Variants in VWCE observed in about 807,000 individuals in gnomAD.
VWCE encodes the protein von Willebrand factor C and EGF domain-containing protein.
A neutral mutation model predicts 102.9 loss-of-function variants in VWCE; 68 were observed. The ratio of observed to expected loss-of-function variants is 0.66; its 90% CI spans 0.54 to 0.81. The LOEUF (loss-of-function observed/expected upper bound fraction) is 0.81, where lower values mean the gene tolerates loss of function less well. Ranked by LOEUF, VWCE falls within the 30% of genes least tolerant of loss-of-function variation. The probability of loss-of-function intolerance (pLI) is 0.00; values close to 1 mark genes in which losing one functional copy is unlikely to be tolerated. For missense variants in VWCE, 1,137 were observed against 1,263.6 expected (o/e 0.90, Z 1.52); for synonymous variants, 497 against 515.4 (o/e 0.96, Z 0.48).
At chr11:61,267,634 G>T in intron 15 of VWCE, 90 bp from the exon 16 acceptor site, 1 of 1,283,428 alleles carries the variant, frequency 7.8e-7, no homozygotes, top group Non-Finnish European at 1.1e-6. Context: ...TTATCTGGAT[G>T]GCAAAGGGGA....
intron 16 of VWCE, 24 bp from the exon 17 acceptor site, chr11:61,265,236 A>G: frequency 1.4e-6 from 2 of 1,462,606 alleles, no homozygotes; most frequent in Non-Finnish European, 9.1e-7. Flanking sequence ...AAAACACACA[A>G]GGCCCTCGGT....
chr11:61,258,716 G>A lies in VWCE; in HGVS notation c.2827C>T (p.Pro943Ser). ...TCCCCCCGAGAAGCCCCCACTGGGG[G>A]CTGCTGGGGGCCAGGGTGGGTGGTG... ...AATTHPGPQQ[P>S]PVGASRGEES... Residue 943 changes from proline (P) to serine (S), a missense_variant, in exon 20 of 20, where the codon CCC (proline) becomes TCC (serine). Physicochemically the swap from Pro to Ser is moderately conservative, Grantham distance 74 (BLOSUM62 -1). Transcript: ENST00000335613. The A allele has an allele frequency of 1.4e-6, 2 of 1,395,334 alleles. No homozygotes were observed. The highest frequency in any genetic ancestry group is 9.3e-7 in the Non-Finnish European group (1 of 1,071,338). The allele number at this position is 1,395,334 out of a possible 1,614,324, so 86.4% of individuals were successfully genotyped here.
At position 61,281,231 on chromosome 11, in the gene VWCE, G is replaced by A. The variant is rs1300626614; in HGVS notation, c.792C>T (p.Phe264=). ...LRADRVSCEA[F]PKAVLAPSAI... ...CAGATGGGGCCAGCACGGCTTTCGG[G>A]AAAGCTGAAACAGAAGCACGGAGGT... The change falls in exon 8 of 20, where the codon TTC becomes TTT. Residue 264 remains phenylalanine, a synonymous_variant. Transcript: ENST00000335613. The A allele has an allele frequency of 6.2e-7, 1 of 1,612,386 alleles. No individual in the cohort carries two copies. Among genetic ancestry groups the A allele is most frequent in the Non-Finnish European group, 8.5e-7 (1 of 1,179,964 alleles).
chr11:61,276,571 A>G, intron 11 of VWCE, 22 bp downstream of exon 11: 2 of 1,500,090 alleles, frequency 1.3e-6, no homozygotes, highest in Non-Finnish European at 1.8e-6. Context: ...AAAAAGCAAA[A>G]TGCTCCAAGA....
At position 61,295,286 on chromosome 11, in the gene VWCE, G is replaced by A. The variant is rs974950315; in HGVS notation, c.-249C>T. 2.9e-6 allele frequency: 1 copy of A among 343,202 alleles called. No individual in the cohort carries two copies. The highest frequency in any genetic ancestry group is 4.3e-5 in the East Asian group (1 of 23,154). The allele number at this position is 343,202 out of a possible 1,614,324, so 21.3% of individuals were successfully genotyped here. On this transcript the variant is annotated 5_prime_UTR_variant, in exon 1 of 20. Coordinates refer to ENST00000335613, the MANE Select transcript of VWCE (RefSeq NM_152718.2). The surrounding 1 kb of genome is among the most constrained non-coding windows in gnomAD (Gnocchi z 4.6). ...AAGCGAAACACACAAAGGCAACGCC[G>A]CCCGCCTGCTGATGCCTCTCCGAGA...
chr11:61,258,756 GGA>G lies in VWCE; in HGVS notation c.2785_2786del (p.Ser929HisfsTer91). 1 of 1,436,470 alleles carries G rather than the reference GGA, an allele frequency of 7.0e-7. No individual in the cohort carries two copies. Among genetic ancestry groups the G allele is most frequent in the Non-Finnish European group, 9.1e-7 (1 of 1,093,664 alleles). The allele number at this position is 1,436,470 out of a possible 1,614,324, so 89.0% of individuals were successfully genotyped here. A position where few individuals can be genotyped will look rare whatever the true frequency, so the allele number is the denominator to read the frequency against. On this transcript the variant is annotated frameshift_variant, in exon 20 of 20. Transcript: ENST00000335613. LOFTEE classifies it low-confidence loss of function (END_TRUNC). Reference protein sequence around the residue: ...RVLSPTTSRLSTALAATTHPG... With the variant: ...RVLSPTTSRLXTALAATTHPG... ...GGTGGGTGGTGGCTGCAAGGGCTGT[GGA>G]GAGTCTAGAGGTGGTGGGAGAAAGC... is the stretch of plus-strand genomic sequence containing the variant.
intron 13 of VWCE, among the ~76,000 whole-genome samples, chr11:61,272,768 C>T (rs1854761331): frequency 6.6e-6 from 1 of 151,878 alleles, no homozygotes; most frequent in African/African-American, 2.4e-5. Context: ...CACGCAGACA[C>T]ACTCATACAA....
chr11:61,280,432 C>T (rs774137667), intron 9 of VWCE, among the ~76,000 whole-genome samples, 192 bp downstream of exon 9: 38 of 152,166 alleles, frequency 2.5e-4, no homozygotes, highest in East Asian at 7.7e-4. Context: ...CTGTTCAAAA[C>T]GCACATGTTC....
chr11:61,266,656 GA>G (rs1854521869), intron 16 of VWCE, among the ~76,000 whole-genome samples: 1 of 152,092 alleles, frequency 6.6e-6, no homozygotes, highest in African/African-American at 2.4e-5. Context: ...ATGCATCTCA[GA>G]ATCACAATAC....
chr11:61,291,497 C>T lies in VWCE; in HGVS notation c.190G>A (p.Gly64Arg). ...AAGCACTTACGCAGGGTGCAGTGCC[C>T]ACCACCCATAGAGGGCGCCCAGCCA... ...CPGWAPSMGG[G>R]HCTLPLCSFG... Residue 64 changes from glycine to arginine, a missense_variant, in exon 2 of 20, where the codon GGG (glycine) becomes AGG (arginine). Transcript: ENST00000335613. The T allele has an allele frequency of 6.5e-7, 1 of 1,549,430 alleles. No homozygotes were observed. Among genetic ancestry groups the T allele is most frequent in the Non-Finnish European group, 8.7e-7 (1 of 1,145,414 alleles).
At chr11:61,286,616 A>C (rs1239460317) in intron 4 of VWCE, among the ~76,000 whole-genome samples, 186 bp from the exon 5 acceptor site, 2 of 151,754 alleles carry the variant, frequency 1.3e-5, no homozygotes, top group East Asian at 3.9e-4. Flanking sequence ...AGCCTGACCA[A>C]CATGGAGAAA....
At chr11:61,279,592 A>C (rs988358332) in intron 9 of VWCE, among the ~76,000 whole-genome samples, 1 of 152,102 alleles carries the variant, frequency 6.6e-6, no homozygotes, top group Admixed American at 6.6e-5. Context: ...AAACAAAAAA[A>C]AACCAGTGCA....
At chr11:61,289,726 A>G (rs147307720) in intron 4 of VWCE, among the ~76,000 whole-genome samples, 1 of 152,282 alleles carries the variant, frequency 6.6e-6, no homozygotes, top group East Asian at 1.9e-4. Flanking sequence ...AGACACACCC[A>G]GGGAAAAGGG....
chr11:61,291,307 A>C lies in VWCE; in HGVS notation c.252T>G (p.Asn84Lys), dbSNP rs1010059364. Residue 84 changes from asparagine to lysine, a missense_variant, in exon 3 of 20, where the codon AAT becomes AAG. This residue lies in a region of VWCE where 575 missense variants were observed against 625.9 expected (regional missense o/e 0.92). Coordinates refer to ENST00000335613, the MANE Select transcript of VWCE (RefSeq NM_152718.2). Reference protein sequence around the residue: ...GCGSGICIAPNVCSCQDGEQG... With the variant: ...GCGSGICIAPKVCSCQDGEQG... ...GCTCTCCATCCTGGCAGGAGCAGAC[A>C]TTGGGAGCGATGCAGATGCCACTCC... is the stretch of plus-strand genomic sequence containing the variant. The C allele has an allele frequency of 6.2e-7, 1 of 1,610,856 alleles. No individual in the cohort carries two copies. Among genetic ancestry groups the C allele is most frequent in the Middle Eastern group, 1.7e-4 (1 of 6,038 alleles).
Position 61,280,923 on chromosome 11 carries a change from G to T in VWCE, c.1100C>A (p.Thr367Asn), listed in dbSNP as rs148001891. ...PSLLQGEVMG[T>N]PSSPRGPESP... is the part of the protein sequence containing the mutation. ...CTCAGGGCCCCTGGGTGAGGAAGGG[G>T]TCCCCATCACCTCCCCCTGAAGGAG... Residue 367 changes from threonine to asparagine, a missense_variant, in exon 8 of 20, where the codon ACC becomes AAC. Physicochemically the swap from Thr to Asn is moderately conservative, Grantham distance 65. Around this residue, in one of 5 missense-constraint regions of VWCE, gnomAD observed 575 missense variants for 625.9 expected, o/e 0.92. Transcript: ENST00000335613. 2.0e-6 allele frequency: 3 copies of T among 1,527,574 alleles called. No individual in the cohort carries two copies. The highest frequency in any genetic ancestry group is 2.6e-5 in the South Asian group (2 of 76,338). 94.6% of individuals were successfully genotyped at this position (1,527,574 alleles called of 1,614,324 possible).
At chr11:61,270,242 G>A (rs1003774747) in intron 14 of VWCE, among the ~76,000 whole-genome samples, 1 of 152,084 alleles carries the variant, frequency 6.6e-6, no homozygotes, top group South Asian at 2.1e-4. Flanking sequence ...TTTAACAAAC[G>A]GCTCATCGAA....
chr11:61,293,612 G>C (rs1048692332), intron 1 of VWCE, among the ~76,000 whole-genome samples: 21 of 152,096 alleles, frequency 1.4e-4, no homozygotes, highest in African/African-American at 4.8e-4. Context: ...CAACAGAAAA[G>C]GGACAAGAAA....
intron 5 of VWCE, among the ~76,000 whole-genome samples, chr11:61,285,750 A>G (rs1386433106): frequency 6.6e-6 from 1 of 152,074 alleles, no homozygotes; most frequent in Non-Finnish European, 1.5e-5. Context: ...CTGCAACAGC[A>G]GCAGCAGGTA....
chr11:61,289,549 G>GAA (rs999820217), intron 4 of VWCE, among the ~76,000 whole-genome samples: 1 of 148,286 alleles, frequency 6.7e-6, no homozygotes, highest in Non-Finnish European at 1.5e-5. Flanking sequence ...CAAGCCTAGC[G>GAA]AAAAAAAAAA....
Sources: gnomAD v4.1 joint callset for allele counts (sites outside exome capture counted in the v4.1 genomes callset) on GRCh38, gnomAD v4.1.1 for gene constraint, gnomAD v4.1.1 regional missense constraint, Gnocchi (gnomAD v3.1) non-coding constraint, MANE v1.5 for transcripts, NCBI Gene and HGNC (gene_info 2026-07-23, HGNC 2026-07-21) for gene names.